Variants in ATP11A observed in about 807,000 individuals in gnomAD.
The protein encoded by ATP11A is phospholipid-transporting ATPase IH.
ATP11A carries 81 observed loss-of-function variants against 154.4 expected under a neutral mutation model. The ratio of observed to expected loss-of-function variants is 0.52; its 90% CI spans 0.44 to 0.63. ATP11A has a LOEUF of 0.63. Among genes scored for constraint, ATP11A ranks in the 30% least tolerant of loss-of-function variants. The probability of loss-of-function intolerance (pLI) is 0.00; values close to 1 mark genes in which losing one functional copy is unlikely to be tolerated. For synonymous variants in ATP11A, 623 were observed against 585.9 expected (o/e 1.06, Z -0.91); for missense variants, 1,316 against 1,474.3 (o/e 0.89, Z 1.76).
chr13:112,701,063 G>A (rs1465307550), intron 1 of ATP11A, among the ~76,000 whole-genome samples: 1 of 152,170 alleles, frequency 6.6e-6, no homozygotes, highest in Non-Finnish European at 1.5e-5. Context: ...GGAGGACGTT[G>A]GGGGGCAGGA....
intron 1 of ATP11A, among the ~76,000 whole-genome samples, chr13:112,770,927 T>C (rs534496169): frequency 2.0e-5 from 3 of 152,320 alleles, no homozygotes; most frequent in Admixed American, 6.5e-5. Flanking sequence ...ACCTGTACAT[T>C]TGAATACCGG....
chr13:112,882,838 C>A lies in ATP11A; in HGVS notation c.*972C>A. Reference sequence around the variant, plus strand: ...CTTGGCTGTGATGAGCAGACATCCTCTGTCCCCGTGGAGGGGTCAACACCA... The same window carrying A: ...CTTGGCTGTGATGAGCAGACATCCTATGTCCCCGTGGAGGGGTCAACACCA... On this transcript the variant is annotated 3_prime_UTR_variant, in exon 30 of 30. Transcript: ENST00000375645. The surrounding 1 kb of genome is among the most constrained non-coding windows in gnomAD (Gnocchi z 5.1). The A allele has an allele frequency of 2.5e-6, 1 of 399,168 alleles. No individual in the cohort carries two copies. The allele number at this position is 399,168 out of a possible 1,614,324, so 24.7% of individuals were successfully genotyped here.
intron 2 of ATP11A, among the ~76,000 whole-genome samples, chr13:112,790,039 T>G (rs1254740302): frequency 1.3e-5 from 2 of 151,596 alleles, no homozygotes; most frequent in Non-Finnish European, 2.9e-5. Context: ...TAGACCCCTG[T>G]GGCGACCTAC....
At chr13:112,734,921 G>A (rs981388246) in intron 1 of ATP11A, among the ~76,000 whole-genome samples, 3 of 152,194 alleles carry the variant, frequency 2.0e-5, no homozygotes, top group African/African-American at 4.8e-5. Context: ...CGACTGGTGA[G>A]GGGGAGTGCC....
Position 112,882,257 on chromosome 13 carries a change from C to T in ATP11A, c.*391C>T, listed in dbSNP as rs946162159. 1 of 606,064 alleles carries T rather than the reference C, an allele frequency of 1.6e-6. No individual in the cohort carries two copies. Among genetic ancestry groups the T allele is most frequent in the Admixed American group, 3.5e-5 (1 of 28,664 alleles). The allele number at this position is 606,064 out of a possible 1,614,324, so 37.5% of individuals were successfully genotyped here. A position where few individuals can be genotyped will look rare whatever the true frequency, so the allele number is the denominator to read the frequency against. On this transcript the variant is annotated 3_prime_UTR_variant, in exon 30 of 30. Coordinates refer to ENST00000375645, the MANE Select transcript of ATP11A (RefSeq NM_015205.3). The surrounding 1 kb of genome is among the most constrained non-coding windows in gnomAD (Gnocchi z 5.1). ...AGGAGGGACATTCTGCTGGCCCACC[C>T]TGCGCGCTGTCATGCAGAGGCCATT...
At chr13:112,851,497 A>G (rs917569821) in intron 18 of ATP11A, 3 of 305,322 alleles carry the variant, frequency 9.8e-6, no homozygotes, top group Admixed American at 4.6e-5. Flanking sequence ...ATGAACAGGC[A>G]AGATAGAAGG....
chr13:112,709,517 C>T (rs1248484021), intron 1 of ATP11A, among the ~76,000 whole-genome samples: 2 of 152,096 alleles, frequency 1.3e-5, no homozygotes, highest in Non-Finnish European at 2.9e-5. Flanking sequence ...CTCTGAAGTC[C>T]GCTATCTAAG....
intron 1 of ATP11A, among the ~76,000 whole-genome samples, chr13:112,715,411 C>A: frequency 9.6e-6 from 1 of 104,180 alleles, no homozygotes; most frequent in African/African-American, 3.5e-5. Context: ...TGGCCCACCT[C>A]CCCACACCTG....
chr13:112,825,663 G>A (rs906876564), intron 11 of ATP11A, 83 bp downstream of exon 11: 9 of 1,470,988 alleles, frequency 6.1e-6, no homozygotes, highest in Admixed American at 2.3e-5. Context: ...AAAAGATGAC[G>A]GTGAATTTAC....
chr13:112,812,962 T>TA lies in ATP11A; in HGVS notation c.441+2242dup, dbSNP rs528494639. Among the ~76,000 whole-genome samples the TA allele has an allele frequency of 2.4e-4, 36 of 152,346 alleles. No individual in the cohort carries two copies. In the East Asian group the frequency reaches 5.8e-3, roughly 24 times the overall value. ...CATACTTGTAGCTAAACATCTTTCT[T>TA]AAAAAATAGACCTAAACAGTGTCTG... On this transcript the variant is annotated intron_variant, in intron 5 of 29. Transcript: ENST00000375645.
chr13:112,842,353 C>A lies in ATP11A; in HGVS notation c.1783C>A (p.Arg595=), dbSNP rs760997483. 1 of 1,609,712 alleles carries A rather than the reference C, an allele frequency of 6.2e-7. No individual in the cohort carries two copies. The highest frequency in any genetic ancestry group is 1.1e-5 in the South Asian group (1 of 89,946). Residue 595 remains arginine, a synonymous_variant, in exon 17 of 30, where the codon CGA becomes AGA. Transcript: ENST00000375645. ...RVIEGKVDQI[R]ARVERNAVEG... Reference sequence around the variant, plus strand: ...GATAGAAGGCAAAGTTGACCAGATCCGAGCCAGAGTGGAGCGTAACGCAGT... The same window carrying A: ...GATAGAAGGCAAAGTTGACCAGATCAGAGCCAGAGTGGAGCGTAACGCAGT...
At chr13:112,852,222 A>G (rs1446048394) in intron 18 of ATP11A, among the ~76,000 whole-genome samples, 1 of 152,334 alleles carries the variant, frequency 6.6e-6, no homozygotes, top group East Asian at 1.9e-4. Flanking sequence ...GAAACTTCAG[A>G]AAGTTCACTG....
intron 15 of ATP11A, among the ~76,000 whole-genome samples, chr13:112,835,544 C>G (rs1472348415): frequency 6.6e-6 from 1 of 152,168 alleles, no homozygotes; most frequent in Non-Finnish European, 1.5e-5. Context: ...GTAGTGAGGT[C>G]GTGGCCTAGA....
At chr13:112,728,433 G>T (rs1296075689) in intron 1 of ATP11A, among the ~76,000 whole-genome samples, 3 of 147,804 alleles carry the variant, frequency 2.0e-5, no homozygotes, top group Non-Finnish European at 4.5e-5. Context: ...GTACCACGTT[G>T]TCAGTATCCA....
chr13:112,702,386 C>T (rs1314317111), intron 1 of ATP11A, among the ~76,000 whole-genome samples: 3 of 151,668 alleles, frequency 2.0e-5, no homozygotes, highest in Admixed American at 6.6e-5. Context: ...GTACAGACAC[C>T]GTAGCAACCA....
At chr13:112,740,931 G>A (rs183163813) in intron 1 of ATP11A, among the ~76,000 whole-genome samples, 14 of 152,344 alleles carry the variant, frequency 9.2e-5, no homozygotes, top group African/African-American at 2.2e-4. Flanking sequence ...ATTTTCACTC[G>A]TCAGAAATGG....
intron 2 of ATP11A, among the ~76,000 whole-genome samples, chr13:112,795,148 G>C (rs888570284): frequency 2.6e-5 from 4 of 151,954 alleles, no homozygotes; most frequent in Non-Finnish European, 4.4e-5. Flanking sequence ...GGGAGGCTGA[G>C]GCACGAGAAT....
intron 2 of ATP11A, among the ~76,000 whole-genome samples, chr13:112,786,109 C>T (rs1222960534): frequency 1.4e-5 from 1 of 69,768 alleles, no homozygotes; most frequent in Non-Finnish European, 2.8e-5. Context: ...ATGAGCTAAA[C>T]CCACGCACAC....
At chr13:112,861,921 T>C (rs1278719176) in intron 24 of ATP11A, among the ~76,000 whole-genome samples, 1 of 152,042 alleles carries the variant, frequency 6.6e-6, no homozygotes, top group East Asian at 1.9e-4. Flanking sequence ...GGAGAAGATA[T>C]ACTGTTCTAG....
Sources: gnomAD v4.1 joint callset for allele counts (sites outside exome capture counted in the v4.1 genomes callset) on GRCh38, gnomAD v4.1.1 for gene constraint, Gnocchi (gnomAD v3.1) non-coding constraint, MANE v1.5 for transcripts, NCBI Gene and HGNC (gene_info 2026-07-23, HGNC 2026-07-21) for gene names.